NALF1: variants seen among roughly 807,000 people sequenced by gnomAD.
NALF1 encodes the protein NALCN channel auxiliary factor 1, also known as family with sequence similarity 155 member A.
NALF1 carries 3 observed loss-of-function variants against 48.4 expected under a neutral mutation model. The observed-to-expected ratio is 0.06, with a 90% confidence interval of 0.03 to 0.16. NALF1 has a LOEUF of 0.16. Ranked by LOEUF, NALF1 falls within the 10% of genes least tolerant of loss-of-function variation. NALF1 has a pLI of 1.00. For synonymous variants in NALF1, 262 were observed against 245.7 expected (o/e 1.07, Z -0.62); for missense variants, 526 against 571.5 (o/e 0.92, Z 0.81).
At chr13:107,841,323 C>T (rs1880037117) in intron 1 of NALF1, among the ~76,000 whole-genome samples, 1 of 152,120 alleles carries the variant, frequency 6.6e-6, no homozygotes, top group South Asian at 2.1e-4. Context: ...AGACAGCCCT[C>T]TCGCTATGTG....
intron 1 of NALF1, among the ~76,000 whole-genome samples, chr13:107,518,025 A>C (rs995669662): frequency 2.0e-5 from 3 of 152,144 alleles, no homozygotes; most frequent in African/African-American, 7.2e-5. Context: ...CCTAGACAAA[A>C]ACAACCCATG....
chr13:107,709,865 A>C (rs1875513359), intron 1 of NALF1, among the ~76,000 whole-genome samples: 1 of 152,204 alleles, frequency 6.6e-6, no homozygotes, highest in Non-Finnish European at 1.5e-5. Flanking sequence ...TCCCACATTT[A>C]TGGTCTATTC....
intron 1 of NALF1, among the ~76,000 whole-genome samples, chr13:107,598,215 CT>C (rs1878811924): frequency 6.6e-6 from 1 of 152,074 alleles, no homozygotes; most frequent in African/African-American, 2.4e-5. Flanking sequence ...GTGTGATTTC[CT>C]TTCTATTTAA....
chr13:107,326,325 A>G (rs1235878798), intron 1 of NALF1, among the ~76,000 whole-genome samples: 2 of 152,096 alleles, frequency 1.3e-5, no homozygotes, highest in Non-Finnish European at 2.9e-5. Flanking sequence ...GCTGGTTTGA[A>G]CAGAGCTTCT....
intron 1 of NALF1, among the ~76,000 whole-genome samples, chr13:107,658,084 T>C (rs1178150822): frequency 1.3e-5 from 2 of 152,232 alleles, no homozygotes; most frequent in African/African-American, 4.8e-5. Context: ...GGTCTGACAG[T>C]GGTCTTCTTA....
chr13:107,267,659 C>T lies in NALF1; in HGVS notation c.916-56904G>A, dbSNP rs370496174. The stretch of plus-strand genomic sequence containing the variant: ...ACTGTTTTCTTCTTGTACACACATA[C>T]CTACGAAGAAGTTTAAAAGATTAAC... On this transcript the variant is annotated intron_variant, in intron 1 of 2. Transcript: ENST00000375915. 7.2e-5 allele frequency among the ~76,000 whole-genome samples: 11 copies of T among 152,250 alleles called. 1 individual carries two copies. The highest frequency in any genetic ancestry group is 2.6e-4 in the African/African-American group (11 of 41,554).
chr13:107,619,124 A>G (rs942007691), intron 1 of NALF1, among the ~76,000 whole-genome samples: 1 of 152,212 alleles, frequency 6.6e-6, no homozygotes, highest in Admixed American at 6.5e-5. Context: ...TTTTACTTTC[A>G]TTTATTTAAA....
intron 1 of NALF1, among the ~76,000 whole-genome samples, chr13:107,292,995 T>TTTCTTTTTC (rs796522759): frequency 1.1e-4 from 15 of 137,584 alleles, no homozygotes; most frequent in African/African-American, 3.4e-4. Context: ...TCTTTTTCTT[T>TTTCTTTTTC]TTTTTTTTTT....
intron 1 of NALF1, among the ~76,000 whole-genome samples, chr13:107,504,425 C>T (rs995215933): frequency 3.3e-5 from 5 of 151,934 alleles, no homozygotes; most frequent in Admixed American, 1.3e-4. Context: ...AGATTTAAGC[C>T]GCTCTTGTCA....
intron 1 of NALF1, among the ~76,000 whole-genome samples, chr13:107,355,625 G>A (rs1478674700): frequency 2.6e-5 from 4 of 151,782 alleles, no homozygotes; most frequent in African/African-American, 4.8e-5. Flanking sequence ...TTTAAAAGGC[G>A]TGTAGCACTT....
At chr13:107,624,755 C>T (rs1396602024) in intron 1 of NALF1, among the ~76,000 whole-genome samples, 2 of 152,140 alleles carry the variant, frequency 1.3e-5, no homozygotes, top group Non-Finnish European at 2.9e-5. Context: ...CTACTCAATT[C>T]CTCACTGCAT....
intron 1 of NALF1, among the ~76,000 whole-genome samples, chr13:107,669,603 G>A (rs191879280): frequency 1.5e-4 from 23 of 152,284 alleles, no homozygotes; most frequent in Admixed American, 5.9e-4. Flanking sequence ...GCTTGTGTGA[G>A]CTCATCACAA....
chr13:107,512,903 A>G (rs1021020396), intron 1 of NALF1, among the ~76,000 whole-genome samples: 1 of 152,158 alleles, frequency 6.6e-6, no homozygotes, highest in African/African-American at 2.4e-5. Flanking sequence ...CCCTGCCTCC[A>G]GAGTCGAGTT....
chr13:107,476,221 T>A (rs1180754340), intron 1 of NALF1, among the ~76,000 whole-genome samples: 3 of 152,140 alleles, frequency 2.0e-5, no homozygotes, highest in African/African-American at 4.8e-5. Flanking sequence ...TAATTTGATG[T>A]CTCATGCACG....
At chr13:107,472,623 C>T (rs1299300198) in intron 1 of NALF1, among the ~76,000 whole-genome samples, 1 of 152,088 alleles carries the variant, frequency 6.6e-6, no homozygotes. Context: ...ATCTTTCTCC[C>T]GTGCTGGATG....
chr13:107,658,694 C>T (rs1880649381), intron 1 of NALF1, among the ~76,000 whole-genome samples: 1 of 152,080 alleles, frequency 6.6e-6, no homozygotes, highest in Non-Finnish European at 1.5e-5. Context: ...AACTCAGATT[C>T]CCTCACTCCC....
intron 1 of NALF1, among the ~76,000 whole-genome samples, chr13:107,772,480 T>C (rs1223416265): frequency 6.6e-6 from 1 of 152,208 alleles, no homozygotes; most frequent in Admixed American, 6.5e-5. Context: ...AATATGTCTC[T>C]ATTTTTTTGA....
chr13:107,733,655 T>A (rs1013392843), intron 1 of NALF1, among the ~76,000 whole-genome samples: 1 of 152,172 alleles, frequency 6.6e-6, no homozygotes, highest in South Asian at 2.1e-4. Flanking sequence ...TCATTTCTAA[T>A]CTACATAATG....
At chr13:107,677,191 C>T (rs751925530) in intron 1 of NALF1, among the ~76,000 whole-genome samples, 8 of 152,166 alleles carry the variant, frequency 5.3e-5, no homozygotes, top group Non-Finnish European at 7.3e-5. Flanking sequence ...AGACTATAGT[C>T]GCACATCACC....
Sources: allele counts gnomAD v4.1 joint callset (sites outside exome capture counted in the v4.1 genomes callset), GRCh38; gene constraint gnomAD v4.1.1; transcripts MANE v1.5; gene names NCBI Gene and HGNC (gene_info 2026-07-23, HGNC 2026-07-21).